The following RANBP2 variants were observed in gnomAD, a reference collection of about 807,000 sequenced individuals.
The protein encoded by RANBP2 is RAN binding protein 2.
Under a neutral mutation model 303.6 loss-of-function variants are expected in RANBP2, and 57 were observed. The ratio of observed to expected loss-of-function variants is 0.19; its 90% CI spans 0.15 to 0.23. RANBP2 has a LOEUF of 0.23. Among genes scored for constraint, RANBP2 ranks in the 10% least tolerant of loss-of-function variants. The pLI is 1.00. For synonymous variants in RANBP2, 1,167 were observed against 1,301.5 expected, an observed-to-expected ratio of 0.90 and a Z score of 2.23; for missense variants, 3,138 against 3,780.8, an observed-to-expected ratio of 0.83 and a Z score of 4.46.
At chr2:109,671,658 A>G in the RANBP2 span, among the ~76,000 whole-genome samples, 1 of 152,110 alleles carries the variant, frequency 6.6e-6, no homozygotes, top group Non-Finnish European at 1.5e-5. Context: ...TAGGGGGTGT[A>G]TCTTTTTTAT....
chr2:108,797,702 G>A, the RANBP2 span, among the ~76,000 whole-genome samples: 3 of 152,170 alleles, frequency 2.0e-5, no homozygotes, highest in Non-Finnish European at 4.4e-5. Flanking sequence ...TGTATTTTAT[G>A]AGAAAGAGAT....
the RANBP2 span, among the ~76,000 whole-genome samples, chr2:109,094,829 T>C: frequency 2.0e-5 from 3 of 151,970 alleles, no homozygotes; most frequent in African/African-American, 7.3e-5. Flanking sequence ...AGTCTCCATC[T>C]CAAACAAACA....
chr2:109,760,653 G>C, the RANBP2 span, among the ~76,000 whole-genome samples: 3 of 144,880 alleles, frequency 2.1e-5, no homozygotes, highest in Non-Finnish European at 3.0e-5. Flanking sequence ...TCGTCGCAGC[G>C]CGCGGGCGGC....
chr2:109,526,717 G>A, the RANBP2 span, among the ~76,000 whole-genome samples: 1 of 152,110 alleles, frequency 6.6e-6, no homozygotes, highest in Non-Finnish European at 1.5e-5. Context: ...GGGGCTCACC[G>A]ATGACAGCTG....
At chr2:109,030,157 G>T in the RANBP2 span, among the ~76,000 whole-genome samples, 1 of 152,100 alleles carries the variant, frequency 6.6e-6, no homozygotes, top group Non-Finnish European at 1.5e-5. Flanking sequence ...ACCTGGATTC[G>T]AGAGCTCATG....
At chr2:109,546,430 T>C in the RANBP2 span, among the ~76,000 whole-genome samples, 1 of 152,170 alleles carries the variant, frequency 6.6e-6, no homozygotes, top group Non-Finnish European at 1.5e-5. Flanking sequence ...AACTTTAATT[T>C]AAATGAGTTC....
At chr2:109,624,321 G>GA in the RANBP2 span, among the ~76,000 whole-genome samples, 1 of 152,148 alleles carries the variant, frequency 6.6e-6, no homozygotes, top group Non-Finnish European at 1.5e-5. Context: ...AAGGTAACAT[G>GA]ATGCATATTA....
At chr2:108,839,063 T>G in the RANBP2 span, 29 of 1,058,402 alleles carry the variant, frequency 2.7e-5, no homozygotes, top group African/African-American at 4.2e-4. Context: ...GAAGGTTTTT[T>G]GTTGGAGAAC....
the RANBP2 span, among the ~76,000 whole-genome samples, chr2:109,225,063 G>C: frequency 6.6e-6 from 1 of 152,070 alleles, no homozygotes; most frequent in African/African-American, 2.4e-5. Flanking sequence ...TTTGACACCT[G>C]GCCTGGAGCC....
the RANBP2 span, chr2:109,449,286 TCC>T: frequency 6.2e-7 from 1 of 1,609,598 alleles, no homozygotes; most frequent in Non-Finnish European, 8.5e-7. Context: ...CTCGGTGGTG[TCC>T]CCGCAGCACA....
the RANBP2 span, among the ~76,000 whole-genome samples, chr2:109,180,455 T>G: frequency 6.6e-6 from 1 of 152,170 alleles, no homozygotes; most frequent in Non-Finnish European, 1.5e-5. Context: ...TGACTTCCCC[T>G]GGCCCAGTGA....
At chr2:109,449,274 C>T in the RANBP2 span, 21 of 1,611,382 alleles carry the variant, frequency 1.3e-5, no homozygotes, top group Non-Finnish European at 1.7e-5. Context: ...CCTCAGGCCC[C>T]ACTCGGTGGT....
the RANBP2 span, among the ~76,000 whole-genome samples, chr2:109,653,369 T>C: frequency 6.7e-6 from 1 of 148,490 alleles, no homozygotes; most frequent in East Asian, 2.0e-4. Flanking sequence ...TACTCCAGCC[T>C]GGGTGACAGA....
chr2:109,297,844 C>T, the RANBP2 span, among the ~76,000 whole-genome samples: 2 of 152,122 alleles, frequency 1.3e-5, no homozygotes, highest in South Asian at 4.1e-4. Flanking sequence ...TGCCCCCGAC[C>T]TGGGCCAGTT....
At chr2:109,562,538 C>T in the RANBP2 span, among the ~76,000 whole-genome samples, 1 of 152,146 alleles carries the variant, frequency 6.6e-6, no homozygotes, top group Non-Finnish European at 1.5e-5. Flanking sequence ...ACTAAGAATT[C>T]TGACTGCAGA....
At chr2:109,078,926 G>A in the RANBP2 span, among the ~76,000 whole-genome samples, 12 of 152,090 alleles carry the variant, frequency 7.9e-5, no homozygotes, top group South Asian at 2.3e-3. Flanking sequence ...GGGAGGCGGA[G>A]CTTGCAGTGA....
the RANBP2 span, among the ~76,000 whole-genome samples, chr2:109,061,468 G>A: frequency 6.6e-6 from 1 of 152,098 alleles, no homozygotes; most frequent in Admixed American, 6.5e-5. Flanking sequence ...GGGTTTGCAA[G>A]CAGCCTGTGT....
the RANBP2 span, among the ~76,000 whole-genome samples, chr2:109,605,132 T>C: frequency 6.6e-6 from 1 of 152,182 alleles, no homozygotes; most frequent in Non-Finnish European, 1.5e-5. Flanking sequence ...TCCTTGAGAC[T>C]TGAATTGTTC....
chr2:108,731,432 A>G lies in RANBP2; in HGVS notation c.363A>G (p.Ala121=). ...DGRAKYWLER[A]AKLFPGSPAI... The stretch of plus-strand genomic sequence containing the variant: ...GAGCAAAATACTGGCTTGAAAGAGC[A>G]GCCAAACTTTTCCCAGGAAGTCCTG... Residue 121 remains alanine (A), a synonymous_variant, in exon 4 of 29, where the codon GCA becomes GCG. Coordinates refer to ENST00000283195, the MANE Select transcript of RANBP2 (RefSeq NM_006267.5). The G allele has an allele frequency of 6.2e-7, 1 of 1,611,614 alleles. No individual in the cohort carries two copies. Among genetic ancestry groups the G allele is most frequent in the Non-Finnish European group, 8.5e-7 (1 of 1,179,596 alleles).
Sources: gnomAD v4.1 joint callset for allele counts (sites outside exome capture counted in the v4.1 genomes callset) on GRCh38, gnomAD v4.1.1 for gene constraint, MANE v1.5 for transcripts, NCBI Gene and HGNC (gene_info 2026-07-23, HGNC 2026-07-21) for gene names.